Variants in GRM3 observed in about 807,000 individuals in gnomAD.
GRM3 encodes glutamate metabotropic receptor 3.
GRM3 carries 26 observed loss-of-function variants against 70.5 expected under a neutral mutation model. The observed-to-expected ratio is 0.37, with a 90% CI of 0.27 to 0.51. The LOEUF is 0.51. GRM3 is among the 20% of genes least tolerant of loss of function. GRM3 has a pLI of 0.93. For missense variants in GRM3, 859 were observed against 1,123.8 expected, an observed-to-expected ratio of 0.76 and a Z score of 3.37; for synonymous variants, 443 against 434.9, an observed-to-expected ratio of 1.02 and a Z score of -0.23.
At chr7:86,730,264 A>G (rs1319455174) in intron 1 of GRM3, among the ~76,000 whole-genome samples, 1 of 152,152 alleles carries the variant, frequency 6.6e-6, no homozygotes, top group Non-Finnish European at 1.5e-5. Flanking sequence ...TACTGAAAAT[A>G]CAAAAATTAG....
intron 1 of GRM3, among the ~76,000 whole-genome samples, chr7:86,719,041 G>C (rs1182324818): frequency 6.6e-6 from 1 of 151,834 alleles, no homozygotes; most frequent in African/African-American, 2.4e-5. Context: ...AATAAACAAG[G>C]CTGTTCTACT....
intron 3 of GRM3, among the ~76,000 whole-genome samples, chr7:86,804,377 A>G (rs1241607999): frequency 6.6e-6 from 1 of 152,198 alleles, no homozygotes; most frequent in Non-Finnish European, 1.5e-5. Flanking sequence ...TATGCTGAGT[A>G]CCAAATATTA....
intron 1 of GRM3, among the ~76,000 whole-genome samples, chr7:86,759,136 C>T (rs1400498540): frequency 2.6e-5 from 4 of 152,100 alleles, no homozygotes; most frequent in Admixed American, 6.6e-5. Flanking sequence ...TATTCTGCCC[C>T]GTCCTTCATA....
chr7:86,799,261 G>T (rs1388835077), intron 3 of GRM3, among the ~76,000 whole-genome samples: 1 of 152,152 alleles, frequency 6.6e-6, no homozygotes, highest in African/African-American at 2.4e-5. Flanking sequence ...GAGCTGAGAC[G>T]ATGAGGTTTT....
intron 1 of GRM3, among the ~76,000 whole-genome samples, chr7:86,707,837 C>A (rs911788471): frequency 3.9e-5 from 6 of 152,000 alleles, no homozygotes; most frequent in Non-Finnish European, 1.5e-5. Context: ...GAGACATAAA[C>A]CTAGTTTATT....
At chr7:86,670,971 C>T (rs947750717) in intron 1 of GRM3, among the ~76,000 whole-genome samples, 1 of 152,284 alleles carries the variant, frequency 6.6e-6, no homozygotes, top group Middle Eastern at 3.4e-3. Context: ...CCTACTTGTC[C>T]TTGAAGGTTT....
rs1250118842 is a variant in GRM3 at position 86,765,112 on chromosome 7, A to G, written c.-34A>G. ...ACTAGCATGACACATTGGCTCCACC[A>G]TTGATATCTCCCAGAGGTACAGAAA... On this transcript the variant is annotated 5_prime_UTR_variant, in exon 2 of 6. Coordinates refer to ENST00000361669, the MANE Select transcript of GRM3 (RefSeq NM_000840.3). The G allele has an allele frequency of 1.3e-6, 2 of 1,531,130 alleles. No homozygotes were observed. The highest frequency in any genetic ancestry group is 2.3e-5 in the East Asian group (1 of 44,374). 94.8% of individuals were successfully genotyped at this position (1,531,130 alleles called of 1,614,324 possible).
chr7:86,739,412 C>A (rs1015364652), intron 1 of GRM3, among the ~76,000 whole-genome samples: 3 of 152,180 alleles, frequency 2.0e-5, no homozygotes, highest in African/African-American at 7.2e-5. Flanking sequence ...GTGAATTCAA[C>A]TTTTTTAGAT....
intron 2 of GRM3, among the ~76,000 whole-genome samples, chr7:86,776,227 A>C (rs887437480): frequency 3.3e-5 from 5 of 152,160 alleles, no homozygotes; most frequent in Admixed American, 3.3e-4. Context: ...TAAACCATGG[A>C]TTACTATCCT....
rs76736194 is a variant in GRM3, at chr7:86,778,892, T to A, written c.469-7369T>A. ...CTTGATTGAAAAATGGTGTCATTGC[T>A]TATGTACTTAGGTTAGGATGAGGTC... On this transcript the variant is annotated intron_variant, in intron 2 of 5. Coordinates refer to ENST00000361669, the MANE Select transcript of GRM3 (RefSeq NM_000840.3). 2.7e-3 allele frequency among the ~76,000 whole-genome samples: 411 copies of A among 152,248 alleles called. 15 individuals carry two copies. In the East Asian group the frequency reaches 0.067, roughly 25 times the overall value.
chr7:86,668,286 T>C (rs1562819456), intron 1 of GRM3, among the ~76,000 whole-genome samples: 1 of 152,098 alleles, frequency 6.6e-6, no homozygotes, highest in African/African-American at 2.4e-5. Flanking sequence ...TTTTTTGTTA[T>C]TTAGGCCATC....
intron 3 of GRM3, among the ~76,000 whole-genome samples, chr7:86,812,344 G>C (rs934159850): frequency 3.3e-5 from 5 of 151,768 alleles, no homozygotes; most frequent in Non-Finnish European, 5.9e-5. Context: ...GATACAGTGT[G>C]GGACAGGCCT....
At chr7:86,716,901 AT>A (rs1217694404) in intron 1 of GRM3, among the ~76,000 whole-genome samples, 13 of 151,964 alleles carry the variant, frequency 8.6e-5, no homozygotes, top group African/African-American at 3.1e-4. Context: ...TAGATTAAAG[AT>A]TGATTTTTCC....
chr7:86,702,328 T>A (rs1451233476), intron 1 of GRM3, among the ~76,000 whole-genome samples: 1 of 152,016 alleles, frequency 6.6e-6, no homozygotes, highest in East Asian at 1.9e-4. Flanking sequence ...TAGTCCTGCA[T>A]CTCTTCATCC....
At chr7:86,670,666 C>T (rs557488155) in intron 1 of GRM3, among the ~76,000 whole-genome samples, 2 of 152,208 alleles carry the variant, frequency 1.3e-5, no homozygotes, top group Non-Finnish European at 1.5e-5. Context: ...TCATCTTAAT[C>T]GTCTTGTACA....
intron 1 of GRM3, among the ~76,000 whole-genome samples, chr7:86,651,831 C>T (rs1793612704): frequency 6.6e-6 from 1 of 152,162 alleles, no homozygotes; most frequent in Non-Finnish European, 1.5e-5. Flanking sequence ...CCAAAAGTCC[C>T]ACTTCCCCCA....
chr7:86,690,084 G>A (rs548080959), intron 1 of GRM3, among the ~76,000 whole-genome samples: 15 of 151,990 alleles, frequency 9.9e-5, no homozygotes, highest in Non-Finnish European at 1.8e-4. Context: ...AAGTTTCCAC[G>A]ACAAACAATG....
chr7:86,677,173 A>G (rs766060808), intron 1 of GRM3, among the ~76,000 whole-genome samples: 1 of 151,982 alleles, frequency 6.6e-6, no homozygotes, highest in African/African-American at 2.4e-5. Flanking sequence ...TCTCATTTAT[A>G]TGACTTGACT....
At chr7:86,832,484 CA>C (rs2116718238) in intron 3 of GRM3, among the ~76,000 whole-genome samples, 1 of 152,164 alleles carries the variant, frequency 6.6e-6, no homozygotes, top group African/African-American at 2.4e-5. Context: ...CTCCTGACCT[CA>C]GATGATCCGC....
Sources: allele counts gnomAD v4.1 joint callset (sites outside exome capture counted in the v4.1 genomes callset), GRCh38; gene constraint gnomAD v4.1.1; transcripts MANE v1.5; gene names NCBI Gene and HGNC (gene_info 2026-07-23, HGNC 2026-07-21).